Variants in PLPP1 observed in about 807,000 individuals in gnomAD.
PLPP1 encodes lipid phosphate phosphohydrolase 1a.
PLPP1 carries 24 observed loss-of-function variants against 31.2 expected under a neutral mutation model. The observed-to-expected ratio is 0.77, with a 90% CI of 0.56 to 1.08. PLPP1 has a LOEUF of 1.08. Ranked by LOEUF, PLPP1 falls within the 50% of genes least tolerant of loss-of-function variation. PLPP1 has a pLI of 0.00. For synonymous variants in PLPP1, 146 were observed against 126.3 expected (o/e 1.16, Z -1.05); for missense variants, 319 against 342.7 (o/e 0.93, Z 0.55).
At position 55,443,380 on chromosome 5, in the gene PLPP1, G is replaced by A. The variant is rs1341459495; in HGVS notation, c.492-1472C>T. Among the ~76,000 whole-genome samples the A allele has an allele frequency of 2.0e-5, 3 of 151,528 alleles. No homozygotes were observed. The East Asian group carries it at 5.8e-4, about 29-fold the overall frequency. On this transcript the variant is annotated intron_variant, in intron 3 of 5. Coordinates refer to ENST00000307259, the MANE Select transcript of PLPP1 (RefSeq NM_003711.4). ...TCTGGGTTTAGTCTACGTAAAGGAA[G>A]AAAAATAAATCACTTTTTAACCTTG...
At chr5:55,523,922 C>G (rs1334070184) in intron 1 of PLPP1, among the ~76,000 whole-genome samples, 7 of 152,184 alleles carry the variant, frequency 4.6e-5, no homozygotes, top group Admixed American at 4.6e-4. Context: ...TATAATCTTG[C>G]TTTAATTCTG....
chr5:55,443,371 G>A (rs182024742), intron 3 of PLPP1, among the ~76,000 whole-genome samples: 24 of 151,642 alleles, frequency 1.6e-4, no homozygotes, highest in Admixed American at 3.3e-4. Flanking sequence ...TTTAGTCTAC[G>A]TAAAGGAAGA....
rs372412028 is a variant in PLPP1, at chr5:55,449,122, C to G, written c.492-7214G>C. ...AACATATTAACTAAAATGAATAGCT[C>G]TATGTGAACTGATACAAGCTGTGTC... On this transcript the variant is annotated intron_variant, in intron 3 of 5. Transcript: ENST00000307259. Among the ~76,000 whole-genome samples, 194 of 152,216 alleles carry G rather than the reference C, an allele frequency of 1.3e-3. 1 individual carries two copies. The highest frequency in any genetic ancestry group is 0.011 in the South Asian group (52 of 4,820).
intron 1 of PLPP1, among the ~76,000 whole-genome samples, chr5:55,529,972 C>CA (rs1026175753): frequency 6.6e-6 from 1 of 152,186 alleles, no homozygotes. Context: ...TCATAACTTT[C>CA]ATTTTTTAAC....
chr5:55,512,802 C>T (rs531682688), intron 1 of PLPP1, among the ~76,000 whole-genome samples: 245 of 152,084 alleles, frequency 1.6e-3, no homozygotes, highest in Non-Finnish European at 3.0e-3. Context: ...TAATTTTTAA[C>T]TTGGAAAATC....
rs10067683 is a variant in PLPP1, at chr5:55,483,564, C to G, written c.59-8114G>C. Among the ~76,000 whole-genome samples the G allele has an allele frequency of 5.3e-5, 8 of 151,334 alleles. No homozygotes were observed. In the South Asian group the frequency reaches 1.7e-3, roughly 32 times the overall value. ...GCACATGCCTGTAATCCCAGCTACT[C>G]GGGAAGCTGAGGCACAAGAATTGCT... On this transcript the variant is annotated intron_variant, in intron 1 of 5. Coordinates refer to ENST00000307259, the MANE Select transcript of PLPP1 (RefSeq NM_003711.4).
intron 1 of PLPP1, among the ~76,000 whole-genome samples, chr5:55,530,961 T>C (rs1230641719): frequency 1.3e-5 from 2 of 152,206 alleles, no homozygotes; most frequent in African/African-American, 4.8e-5. Flanking sequence ...GAGGTGACGG[T>C]GACGGCCCGG....
At chr5:55,498,048 T>A (rs1401388653) in intron 1 of PLPP1, among the ~76,000 whole-genome samples, 1 of 152,072 alleles carries the variant, frequency 6.6e-6, no homozygotes, top group Admixed American at 6.5e-5. Flanking sequence ...GAACAGAAGG[T>A]AAAGCCAGTT....
chr5:55,531,156 A>C (rs1271963691), intron 1 of PLPP1, among the ~76,000 whole-genome samples: 3 of 152,266 alleles, frequency 2.0e-5, no homozygotes, highest in Non-Finnish European at 2.9e-5. Context: ...AATATACATT[A>C]TCTCTCAAAA....
intron 1 of PLPP1, among the ~76,000 whole-genome samples, chr5:55,513,268 C>CTTTT (rs71600887): frequency 8.5e-6 from 1 of 117,548 alleles, no homozygotes; most frequent in Non-Finnish European, 1.8e-5. Context: ...ATAATGACTC[C>CTTTT]TTTTTTTTTA....
intron 3 of PLPP1, among the ~76,000 whole-genome samples, chr5:55,462,796 A>G (rs1308087481): frequency 6.6e-6 from 1 of 152,008 alleles, no homozygotes; most frequent in Admixed American, 6.6e-5. Context: ...AGACGGTGAA[A>G]CCCCATCTCT....
chr5:55,443,212 TACACACACACACACAC>T (rs960914383), intron 3 of PLPP1, among the ~76,000 whole-genome samples: 7 of 104,988 alleles, frequency 6.7e-5, no homozygotes, highest in Admixed American at 1.1e-4. Context: ...TATATATATA[TACACACACACACACAC>T]ACACACATAT....
At chr5:55,519,468 G>C (rs963799008) in intron 1 of PLPP1, among the ~76,000 whole-genome samples, 1 of 152,138 alleles carries the variant, frequency 6.6e-6, no homozygotes, top group African/African-American at 2.4e-5. Flanking sequence ...GAAAAAAGTG[G>C]CCAGGCATGG....
intron 1 of PLPP1, chr5:55,491,194 G>A: frequency 1.4e-6 from 2 of 1,439,374 alleles, no homozygotes; most frequent in Non-Finnish European, 1.9e-6. Context: ...TGAATGGGAT[G>A]CAAATCCTAG....
chr5:55,504,981 T>C (rs1444826201), intron 1 of PLPP1, among the ~76,000 whole-genome samples: 1 of 152,018 alleles, frequency 6.6e-6, no homozygotes, highest in African/African-American at 2.4e-5. Context: ...CGGCTAATTT[T>C]TGTATTTTAT....
At chr5:55,527,362 T>C (rs1434398520) in intron 1 of PLPP1, among the ~76,000 whole-genome samples, 2 of 152,214 alleles carry the variant, frequency 1.3e-5, no homozygotes, top group African/African-American at 4.8e-5. Context: ...GCAAATGTTT[T>C]TGCAGCCAGA....
At chr5:55,507,766 A>G (rs1192926929) in intron 1 of PLPP1, among the ~76,000 whole-genome samples, 4 of 152,230 alleles carry the variant, frequency 2.6e-5, no homozygotes, top group Admixed American at 1.3e-4. Context: ...GCAGGCTCTC[A>G]GTCTCATTGA....
intron 1 of PLPP1, among the ~76,000 whole-genome samples, chr5:55,503,841 G>A (rs1428425258): frequency 4.0e-5 from 4 of 100,118 alleles, no homozygotes; most frequent in East Asian, 3.6e-4. Flanking sequence ...GGATGAAGGG[G>A]AGGGGAGAGA....
chr5:55,491,036 ATGCTGT>A, intron 1 of PLPP1: 1 of 1,613,722 alleles, frequency 6.2e-7, no homozygotes, highest in Non-Finnish European at 8.5e-7. Flanking sequence ...CGGATAGTTG[ATGCTGT>A]TGTCTTTACA....
Sources: gnomAD v4.1 joint callset for allele counts (sites outside exome capture counted in the v4.1 genomes callset) on GRCh38, gnomAD v4.1.1 for gene constraint, MANE v1.5 for transcripts, NCBI Gene and HGNC (gene_info 2026-07-23, HGNC 2026-07-21) for gene names.